NPR2: variants seen among roughly 807,000 people sequenced by gnomAD.
The protein encoded by NPR2 is natriuretic peptide receptor 2.
Under a neutral mutation model 120.7 loss-of-function variants are expected in NPR2, and 49 were observed. The observed-to-expected ratio is 0.41, with a 90% CI of 0.32 to 0.52. NPR2 has a LOEUF of 0.52. NPR2 is among the 20% of genes least tolerant of loss of function. The probability of loss-of-function intolerance (pLI) is 0.36; values close to 1 mark genes in which losing one functional copy is unlikely to be tolerated. For missense variants in NPR2, 931 were observed against 1,362.9 expected (o/e 0.68, Z 4.99); for synonymous variants, 484 against 519.8 (o/e 0.93, Z 0.94).
chr9:35,793,189 T>C (rs1378987036), intron 1 of NPR2, 114 bp downstream of exon 1: 34 of 1,208,302 alleles, frequency 2.8e-5, no homozygotes, highest in Admixed American at 1.1e-4. Flanking sequence ...TATGTGGTGG[T>C]TGGGATCAAG....
Position 35,806,656 on chromosome 9 carries a change from G to T in NPR2, c.2519+118G>T. On this transcript the variant is annotated intron_variant, in intron 16 of 21. Transcript: ENST00000342694. The surrounding 1 kb of genome is among the most constrained non-coding windows in gnomAD (Gnocchi z 4.6). ...CTCAGAACCCTGCTGGCCACAGGGA[G>T]CACCCCTGCTTATAGATTATTTGCT... is the stretch of plus-strand genomic sequence containing the variant. The T allele has an allele frequency of 9.2e-7, 1 of 1,081,512 alleles. No homozygotes were observed. The highest frequency in any genetic ancestry group is 1.4e-6 in the Non-Finnish European group (1 of 703,950). 67.0% of individuals were successfully genotyped at this position (1,081,512 alleles called of 1,614,324 possible). A position where few individuals can be genotyped will look rare whatever the true frequency, so the allele number is the denominator to read the frequency against.
At chr9:35,804,249 T>C (rs1172385065) in intron 12 of NPR2, among the ~76,000 whole-genome samples, 2 of 130,482 alleles carry the variant, frequency 1.5e-5, no homozygotes, top group Non-Finnish European at 3.4e-5. Flanking sequence ...TTTTTTTTTT[T>C]CTGAGACAGG....
chr9:35,792,339 T>C lies in NPR2; in HGVS notation c.-70T>C, dbSNP rs1359384355. The C allele has an allele frequency of 1.3e-6, 2 of 1,502,052 alleles. No individual in the cohort carries two copies. The highest frequency in any genetic ancestry group is 1.8e-6 in the Non-Finnish European group (2 of 1,115,124). 93.0% of individuals were successfully genotyped at this position (1,502,052 alleles called of 1,614,324 possible). A position where few individuals can be genotyped will look rare whatever the true frequency, so the allele number is the denominator to read the frequency against. ...CTTCCCCAGGCTCCAGGCTGGGGGG[T>C]GCTCGCGTCTCCCCTGTAGGCCAGA... On this transcript the variant is annotated 5_prime_UTR_variant, in exon 1 of 22. Coordinates refer to ENST00000342694, the MANE Select transcript of NPR2 (RefSeq NM_003995.4).
intron 12 of NPR2, among the ~76,000 whole-genome samples, chr9:35,804,721 C>T (rs1828301723): frequency 6.6e-6 from 1 of 151,832 alleles, no homozygotes; most frequent in Non-Finnish European, 1.5e-5. Context: ...CCCCGACTTG[C>T]CCACCTCCCT....
At position 35,802,909 on chromosome 9, in the gene NPR2, C is replaced by T; in HGVS notation, c.1887+106C>T. ...GTCCTCTGAAGTCCTGTTCTCTCAT[C>T]TCCCCTTATTCCCATGGTCTGGTAA... On this transcript the variant is annotated intron_variant, in intron 12 of 21. Transcript: ENST00000342694. This position sits in a 1 kb window ranked among gnomAD's most constrained non-coding sequence, Gnocchi z 4.2. The T allele has an allele frequency of 2.5e-6, 2 of 803,788 alleles. No individual in the cohort carries two copies. The highest frequency in any genetic ancestry group is 4.4e-6 in the Non-Finnish European group (2 of 450,944). 49.8% of individuals were successfully genotyped at this position (803,788 alleles called of 1,614,324 possible).
Position 35,792,386 on chromosome 9 carries a change from G to C in NPR2, c.-23G>C. On this transcript the variant is annotated 5_prime_UTR_variant, in exon 1 of 22. Transcript: ENST00000342694. ...CAGAGCAGCCCCAAGTTCTGGGGGC[G>C]GTGGGGCTGCTGCTTTATCCCCATG... 6.2e-7 allele frequency: 1 copy of C among 1,606,304 alleles called. No homozygotes were observed. The highest frequency in any genetic ancestry group is 8.5e-7 in the Non-Finnish European group (1 of 1,178,028).
Position 35,792,101 on chromosome 9 carries a change from T to C in NPR2, c.-308T>C, listed in dbSNP as rs1827799066. The C allele has an allele frequency of 8.0e-6, 2 of 249,882 alleles. No homozygotes were observed. Among genetic ancestry groups the C allele is most frequent in the African/African-American group, 4.8e-5 (2 of 41,266 alleles). The allele number at this position is 249,882 out of a possible 1,614,324, so 15.5% of individuals were successfully genotyped here. A position where few individuals can be genotyped will look rare whatever the true frequency, so the allele number is the denominator to read the frequency against. ...CTTCTCAGCTTTAGATTTATCAGGC[T>C]TCTTCACCTCGCACTGTCCCCATCC... On this transcript the variant is annotated 5_prime_UTR_variant, in exon 1 of 22. Transcript: ENST00000342694.
In NPR2 at chr9:35,802,897, C is replaced by T; in HGVS notation, c.1887+94C>T. ...TTTCTCCTTCTAGTCCTCTGAAGTCCTGTTCTCTCATCTCCCCTTATTCCC... is the reference window on the plus strand; with the variant it reads ...TTTCTCCTTCTAGTCCTCTGAAGTCTTGTTCTCTCATCTCCCCTTATTCCC... On this transcript the variant is annotated intron_variant, in intron 12 of 21. Coordinates refer to ENST00000342694, the MANE Select transcript of NPR2 (RefSeq NM_003995.4). The surrounding 1 kb of genome is among the most constrained non-coding windows in gnomAD (Gnocchi z 4.2). 1 of 861,656 alleles carries T rather than the reference C, an allele frequency of 1.2e-6. No individual in the cohort carries two copies. The highest frequency in any genetic ancestry group is 1.3e-5 in the South Asian group (1 of 74,896). The allele number at this position is 861,656 out of a possible 1,614,324, so 53.4% of individuals were successfully genotyped here.
Position 35,806,110 on chromosome 9 carries a change from C to T in NPR2, c.2249C>T (p.Pro750Leu). 6.2e-7 allele frequency: 1 copy of T among 1,614,188 alleles called. No homozygotes were observed. Among genetic ancestry groups the T allele is most frequent in the South Asian group, 1.1e-5 (1 of 91,086 alleles). ...VRNGQRPYFR[P>L]SIDRTQLNEE... ...AATGGTCAGCGGCCATATTTCCGGC[C>T]AAGCATTGACCGGACCCAACTGAAT... Residue 750 changes from proline to leucine, a missense_variant, in exon 15 of 22, where the codon CCA becomes CTA. By Grantham distance (98) the Pro-to-Leu change is moderately conservative. Coordinates refer to ENST00000342694, the MANE Select transcript of NPR2 (RefSeq NM_003995.4). This position sits in a 1 kb window ranked among gnomAD's most constrained non-coding sequence, Gnocchi z 4.6.
chr9:35,803,196 C>T (rs1250268139), intron 12 of NPR2, among the ~76,000 whole-genome samples: 3 of 84,564 alleles, frequency 3.5e-5, no homozygotes, highest in East Asian at 4.5e-4. Context: ...CTCCGCCTCC[C>T]GGGTTCACGC....
At chr9:35,801,441 T>G (rs1828152677) in intron 7 of NPR2, among the ~76,000 whole-genome samples, 1 of 152,246 alleles carries the variant, frequency 6.6e-6, no homozygotes, top group African/African-American at 2.4e-5. Flanking sequence ...GGAAAGAACT[T>G]TCACCCCCAG....
At chr9:35,807,189 T>TTGGGGGGGCAA in intron 17 of NPR2, 43 bp downstream of exon 17, 1 of 522,080 alleles carries the variant, frequency 1.9e-6, no homozygotes, top group Non-Finnish European at 3.8e-6. Context: ...GTTGGGTGGG[T>TTGGGGGGGCAA]AGGGACCTGG....
rs190753852 is a variant in NPR2 at position 35,801,760 on chromosome 9, G to T, written c.1554G>T (p.Ser518=). The T allele has an allele frequency of 9.3e-6, 15 of 1,614,046 alleles. No individual in the cohort carries two copies. Among genetic ancestry groups the T allele is most frequent in the Non-Finnish European group, 1.3e-5 (15 of 1,180,042 alleles). ...GTGCAGGCAGTCGCCTCACACTGTC[G>T]CTGGTGAGCCCTTGTCTCAGCTGTT... The part of the protein sequence containing the change: ...HKGAGSRLTL[S]LRGSSYGSLM... Residue 518 remains serine, a synonymous_variant, in exon 8 of 22, where the codon TCG becomes TCT. Coordinates refer to ENST00000342694, the MANE Select transcript of NPR2 (RefSeq NM_003995.4).
In NPR2 at chr9:35,808,016, T is replaced by C. The variant is rs1019039714; in HGVS notation, c.2713-493T>C. On this transcript the variant is annotated intron_variant, in intron 18 of 21. Transcript: ENST00000342694. The surrounding 1 kb of genome is among the most constrained non-coding windows in gnomAD (Gnocchi z 4.0). ...AACTACTTTATCCCTAAATACTTAG[T>C]GTGTATTTCCTAAAAACTTCACTGT... The C allele has an allele frequency of 4.1e-5, 26 of 636,544 alleles. No homozygotes were observed. Among genetic ancestry groups the C allele is most frequent in the Admixed American group, 5.5e-5 (2 of 36,586 alleles). 39.4% of individuals were successfully genotyped at this position (636,544 alleles called of 1,614,324 possible). A position where few individuals can be genotyped will look rare whatever the true frequency, so the allele number is the denominator to read the frequency against.
Position 35,792,756 on chromosome 9 carries a change from C to A in NPR2, c.348C>A (p.Arg116=). The change falls in exon 1 of 22, where the codon CGC becomes CGA. Residue 116 remains arginine (R), a synonymous_variant. Coordinates refer to ENST00000342694, the MANE Select transcript of NPR2 (RefSeq NM_003995.4). The part of the protein sequence containing the change: ...ASVARFASHW[R]LPLLTAGAVA... ...TGGCCCGCTTTGCCTCCCACTGGCG[C>A]CTTCCCCTGCTGACTGCGGGTGCTG... 6.2e-7 allele frequency: 1 copy of A among 1,614,200 alleles called. No homozygotes were observed.
At chr9:35,797,724 G>A (rs1827986917) in intron 2 of NPR2, among the ~76,000 whole-genome samples, 1 of 151,708 alleles carries the variant, frequency 6.6e-6, no homozygotes, top group Admixed American at 6.6e-5. Flanking sequence ...ACTGTTTGAG[G>A]TTGGGTTTTT....
chr9:35,791,733 G>A lies in NPR2; in HGVS notation c.-676G>A, dbSNP rs1038420228. 4.0e-5 allele frequency among the ~76,000 whole-genome samples: 6 copies of A among 151,802 alleles called. No individual in the cohort carries two copies. The highest frequency in any genetic ancestry group is 1.5e-4 in the African/African-American group (6 of 41,356). Reference sequence around the variant, plus strand: ...CGCCGGCCGCCAGGGCCCAGGAGAAGCGGAGCAGAGAGGAGCGGGGACACG... The same window carrying A: ...CGCCGGCCGCCAGGGCCCAGGAGAAACGGAGCAGAGAGGAGCGGGGACACG... On this transcript the variant is annotated 5_prime_UTR_variant, in exon 1 of 22. Coordinates refer to ENST00000342694, the MANE Select transcript of NPR2 (RefSeq NM_003995.4).
At position 35,806,440 on chromosome 9, in the gene NPR2, G is replaced by A. The variant is rs1217277299; in HGVS notation, c.2421G>A (p.Gln807=). ...ILDNLLLRME[Q]YANNLEKLVE... ...ACAACCTCCTGCTGCGCATGGAACA[G>A]TATGCCAATAACTTGGAGAAGCTGG... The change falls in exon 16 of 22, where the codon CAG becomes CAA. Residue 807 remains glutamine (Q), a synonymous_variant. Coordinates refer to ENST00000342694, the MANE Select transcript of NPR2 (RefSeq NM_003995.4). This position sits in a 1 kb window ranked among gnomAD's most constrained non-coding sequence, Gnocchi z 4.6. The A allele has an allele frequency of 7.4e-6, 12 of 1,613,920 alleles. No individual in the cohort carries two copies. Among genetic ancestry groups the A allele is most frequent in the Admixed American group, 1.7e-5 (1 of 60,002 alleles).
In NPR2 at chr9:35,792,147, C is replaced by A; in HGVS notation, c.-262C>A. ...CATCCTGGCCGCAGGCCCCCTCGGT[C>A]CCTCCCTCCCCCTGCCACCCCGTTC... On this transcript the variant is annotated 5_prime_UTR_variant, in exon 1 of 22. Transcript: ENST00000342694. The A allele has an allele frequency of 2.1e-6, 1 of 470,174 alleles. No homozygotes were observed. The highest frequency in any genetic ancestry group is 3.4e-5 in the Admixed American group (1 of 29,776). The allele number at this position is 470,174 out of a possible 1,614,324, so 29.1% of individuals were successfully genotyped here.
Sources: allele counts gnomAD v4.1 joint callset (sites outside exome capture counted in the v4.1 genomes callset), GRCh38; gene constraint gnomAD v4.1.1; non-coding constraint Gnocchi (gnomAD v3.1); transcripts MANE v1.5; gene names NCBI Gene and HGNC (gene_info 2026-07-23, HGNC 2026-07-21).